DAPK2: variants seen among roughly 807,000 people sequenced by gnomAD.
DAPK2 encodes the protein death-associated protein kinase 2.
Under a neutral mutation model 44.1 loss-of-function variants are expected in DAPK2, and 35 were observed. That is an observed-to-expected ratio of 0.79 (90% CI 0.61 to 1.05). The LOEUF is 1.05. DAPK2 is among the 50% of genes least tolerant of loss of function. The pLI, the probability that DAPK2 is intolerant of heterozygous loss-of-function variation, is 0.00. For synonymous variants in DAPK2, 174 were observed against 182.6 expected, an observed-to-expected ratio of 0.95 and a Z score of 0.38; for missense variants, 453 against 483.2, an observed-to-expected ratio of 0.94 and a Z score of 0.59.
chr15:63,922,275 T>C, intron 8 of DAPK2: 1 of 990,672 alleles, frequency 1.0e-6, no homozygotes, highest in Non-Finnish European at 1.2e-6. Flanking sequence ...TTATTTTCTC[T>C]ATGCATTGTA....
At chr15:63,935,607 A>AT (rs1270015712) in intron 4 of DAPK2, 1 of 151,836 alleles carries the variant, frequency 6.6e-6, no homozygotes, top group African/African-American at 2.4e-5. Context: ...TCTAGGTAAG[A>AT]TTTTTGTTTT....
chr15:63,999,627 A>C (rs922145172), intron 1 of DAPK2, among the ~76,000 whole-genome samples: 1 of 152,196 alleles, frequency 6.6e-6, no homozygotes, highest in African/African-American at 2.4e-5. Context: ...AACATGGCTA[A>C]GTAAAAATGA....
intron 2 of DAPK2, among the ~76,000 whole-genome samples, chr15:63,972,501 GATA>G (rs1567242313): frequency 2.6e-5 from 4 of 152,350 alleles, no homozygotes; most frequent in Admixed American, 2.0e-4. Context: ...AGGCCATTCT[GATA>G]ATGTCTCAGA....
intron 2 of DAPK2, among the ~76,000 whole-genome samples, chr15:63,973,979 T>C (rs2078281136): frequency 6.6e-6 from 1 of 152,194 alleles, no homozygotes; most frequent in Non-Finnish European, 1.5e-5. Flanking sequence ...GGCCCCTTTA[T>C]GGGGCTCAAG....
chr15:64,008,577 G>T (rs111303993), intron 1 of DAPK2, among the ~76,000 whole-genome samples: 361 of 152,338 alleles, frequency 2.4e-3, no homozygotes, highest in African/African-American at 8.2e-3. Flanking sequence ...TTGGCAATCA[G>T]ATGTTCTGGA....
At position 63,923,248 on chromosome 15, in the gene DAPK2, T is replaced by C. The variant is rs1243012038; in HGVS notation, c.858+1568A>G. On this transcript the variant is annotated intron_variant, in intron 8 of 10. Transcript: ENST00000261891. This position sits in a 1 kb window ranked among gnomAD's most constrained non-coding sequence, Gnocchi z 4.2. ...CATAGGAGTTGTTGGGAGGCATGCT[T>C]GAGTGGCATTTGAGAGTGTACTCTC... 1 of 1,535,744 alleles carries C rather than the reference T, an allele frequency of 6.5e-7. No individual in the cohort carries two copies. The highest frequency in any genetic ancestry group is 1.4e-5 in the African/African-American group (1 of 73,016).
At chr15:63,982,402 G>C (rs1346931278) in intron 2 of DAPK2, among the ~76,000 whole-genome samples, 2 of 151,992 alleles carry the variant, frequency 1.3e-5, no homozygotes, top group Non-Finnish European at 2.9e-5. Context: ...TGTTAGCCAG[G>C]CTGGTCTCAA....
intron 8 of DAPK2, chr15:63,921,669 G>A (rs541880015): frequency 1.3e-5 from 2 of 152,336 alleles, no homozygotes; most frequent in Admixed American, 6.5e-5. Context: ...AAACCCTCAC[G>A]GAACTTCTTA....
At chr15:63,937,845 G>T (rs1295335644) in intron 4 of DAPK2, among the ~76,000 whole-genome samples, 1 of 152,078 alleles carries the variant, frequency 6.6e-6, no homozygotes, top group African/African-American at 2.4e-5. Flanking sequence ...TATGTGAATG[G>T]TGGGTAGCAA....
intron 1 of DAPK2, among the ~76,000 whole-genome samples, chr15:64,035,953 A>G (rs2080167391): frequency 6.6e-6 from 1 of 152,192 alleles, no homozygotes; most frequent in South Asian, 2.1e-4. Context: ...GGATAAGGAT[A>G]GACAAAGCCT....
chr15:64,010,240 G>C (rs576684523), intron 1 of DAPK2, among the ~76,000 whole-genome samples: 31 of 152,224 alleles, frequency 2.0e-4, no homozygotes, highest in African/African-American at 7.5e-4. Context: ...GCCCACCAAA[G>C]TTTGAGAACC....
chr15:63,960,326 AG>A (rs1462510210), intron 3 of DAPK2, among the ~76,000 whole-genome samples: 8 of 152,116 alleles, frequency 5.3e-5, no homozygotes, highest in Admixed American at 4.6e-4. Flanking sequence ...GATTTTTTGA[AG>A]GGTTTTTTGT....
intron 5 of DAPK2, 105 bp downstream of exon 6, chr15:63,930,302 G>C: frequency 9.1e-7 from 1 of 1,098,058 alleles, no homozygotes; most frequent in Non-Finnish European, 1.4e-6. Context: ...AGTGAGTGTG[G>C]AGTAAGGGGC....
At chr15:63,968,541 G>C (rs1299114450) in intron 3 of DAPK2, among the ~76,000 whole-genome samples, 1 of 152,092 alleles carries the variant, frequency 6.6e-6, no homozygotes, top group African/African-American at 2.4e-5. Flanking sequence ...CTAGTCTATG[G>C]GGCCCACAAC....
At chr15:63,925,841 T>C (rs1177360591) in intron 7 of DAPK2, 100 bp downstream of exon 8, 1 of 1,477,266 alleles carries the variant, frequency 6.8e-7, no homozygotes, top group Non-Finnish European at 9.4e-7. Flanking sequence ...ACAGTGCAGA[T>C]GACAGCTATG....
chr15:63,907,554 G>A (rs2078689567), exon 11 of DAPK2: 1 of 152,270 alleles, frequency 6.6e-6, no homozygotes, highest in Admixed American at 6.5e-5. Context: ...GGAGTAGCTG[G>A]GATGCCAGGT....
chr15:63,925,635 C>A (rs552561720), intron 7 of DAPK2, among the ~76,000 whole-genome samples: 9 of 150,838 alleles, frequency 6.0e-5, no homozygotes, highest in African/African-American at 2.2e-4. Context: ...GGACAGACTG[C>A]ACAAGGTAAT....
At chr15:63,987,582 C>T (rs991521914) in intron 1 of DAPK2, among the ~76,000 whole-genome samples, 2 of 152,130 alleles carry the variant, frequency 1.3e-5, no homozygotes, top group African/African-American at 4.8e-5. Flanking sequence ...GTAGGAGGCC[C>T]GATTCCTCGT....
At chr15:63,919,575 C>G (rs2146554392) in intron 8 of DAPK2, 1 of 152,620 alleles carries the variant, frequency 6.6e-6, no homozygotes, top group Non-Finnish European at 1.5e-5. Context: ...CTTCCAGGTT[C>G]AAGCGATTCT....
Sources: allele counts gnomAD v4.1 joint callset (sites outside exome capture counted in the v4.1 genomes callset), GRCh38; gene constraint gnomAD v4.1.1; non-coding constraint Gnocchi (gnomAD v3.1); transcripts MANE v1.5; gene names NCBI Gene and HGNC (gene_info 2026-07-23, HGNC 2026-07-21).